SYNDIG1L: variants seen among roughly 807,000 people sequenced by gnomAD.
The protein encoded by SYNDIG1L is synapse differentiation-inducing gene protein 1-like.
In SYNDIG1L, 13 loss-of-function variants were observed where a neutral mutation model predicts 20.1. That is an observed-to-expected ratio of 0.65 (90% CI 0.42 to 1.03). The LOEUF is 1.03. SYNDIG1L is among the 50% of genes least tolerant of loss of function. The probability of loss-of-function intolerance (pLI) is 0.00; values close to 1 mark genes in which losing one functional copy is unlikely to be tolerated. For synonymous variants in SYNDIG1L, 128 were observed against 129.3 expected (o/e 0.99, Z 0.07); for missense variants, 294 against 305.1 (o/e 0.96, Z 0.27).
chr14:74,452,014 C>A, the SYNDIG1L span, among the ~76,000 whole-genome samples: 7 of 149,096 alleles, frequency 4.7e-5, no homozygotes, highest in Non-Finnish European at 7.4e-5. Flanking sequence ...AAAAAAGAAC[C>A]CCTGTAACTG....
chr14:74,458,098 TG>T, the SYNDIG1L span, among the ~76,000 whole-genome samples: 1 of 152,164 alleles, frequency 6.6e-6, no homozygotes. Flanking sequence ...GCGCCCAGCT[TG>T]GAACAATTTC....
At position 74,422,291 on chromosome 14, in the gene SYNDIG1L, T is replaced by C. The variant is rs565805588; in HGVS notation, c.-58+3621A>G. 2.9e-4 allele frequency among the ~76,000 whole-genome samples: 44 copies of C among 152,170 alleles called. No homozygotes were observed. The South Asian group carries it at 3.3e-3, about 12-fold the overall frequency. ...GGCAGGAGGTAAGAGAAATGAGGAC[T>C]TGACATAAACGGCGGGGGTGAAGAT... On this transcript the variant is annotated intron_variant, in intron 1 of 3. Transcript: ENST00000331628.
intron 1 of SYNDIG1L, among the ~76,000 whole-genome samples, chr14:74,410,537 G>A (rs1186887281): frequency 1.3e-5 from 2 of 152,158 alleles, no homozygotes; most frequent in African/African-American, 4.8e-5. Flanking sequence ...GGACTGCAGA[G>A]GGCTGGACCG....
the SYNDIG1L span, among the ~76,000 whole-genome samples, chr14:74,452,180 C>T: frequency 4.2e-4 from 64 of 152,022 alleles, 1 homozygote; most frequent in Admixed American, 2.7e-3. Flanking sequence ...AATGAGATAC[C>T]ACTATATTGC....
chr14:74,467,445 A>G, the SYNDIG1L span, among the ~76,000 whole-genome samples: 3 of 152,166 alleles, frequency 2.0e-5, no homozygotes, highest in Non-Finnish European at 4.4e-5. Context: ...CAGCCCCAGG[A>G]GAGGGGGCAG....
At position 74,409,490 on chromosome 14, in the gene SYNDIG1L, G is replaced by A; in HGVS notation, c.255C>T (p.Gly85=). Residue 85 remains glycine, a synonymous_variant, in exon 2 of 4, where the codon GGC becomes GGT. Coordinates refer to ENST00000331628, the MANE Select transcript of SYNDIG1L (RefSeq NM_001105579.2). ...CCTCTGTGAAGCTTGTCTCACAGCT[G>A]CCTGCCCTGGGCTCCTTGACCTTGT... ...GRDKVKEPRA[G]SCETSFTEDR... is the part of the protein sequence containing the mutation. 6.2e-7 allele frequency: 1 copy of A among 1,612,692 alleles called. No individual in the cohort carries two copies. The highest frequency in any genetic ancestry group is 8.5e-7 in the Non-Finnish European group (1 of 1,179,426).
the SYNDIG1L span, among the ~76,000 whole-genome samples, chr14:74,431,277 C>T: frequency 6.6e-6 from 1 of 152,076 alleles, no homozygotes; most frequent in Non-Finnish European, 1.5e-5. Context: ...GTGTTTGCCC[C>T]AAGAATGGCT....
the SYNDIG1L span, among the ~76,000 whole-genome samples, chr14:74,448,933 G>C: frequency 2.0e-5 from 3 of 151,948 alleles, no homozygotes; most frequent in Admixed American, 6.6e-5. Flanking sequence ...AAAGAGAAAA[G>C]AAATAGGAAA....
At chr14:74,468,393 A>C in the SYNDIG1L span, among the ~76,000 whole-genome samples, 1 of 151,242 alleles carries the variant, frequency 6.6e-6, no homozygotes, top group African/African-American at 2.4e-5. Flanking sequence ...GCTCTTATGG[A>C]TTTGCATCTG....
chr14:74,479,397 T>A, the SYNDIG1L span: 1 of 152,236 alleles, frequency 6.6e-6, no homozygotes, highest in African/African-American at 2.4e-5. Flanking sequence ...AACTCAATTG[T>A]GAATGGGGTT....
In SYNDIG1L at chr14:74,415,959, T is replaced by A. The variant is rs534595292; in HGVS notation, c.-57-6158A>T. Among the ~76,000 whole-genome samples, 10 of 152,180 alleles carry A rather than the reference T, an allele frequency of 6.6e-5. No individual in the cohort carries two copies. In the East Asian group the frequency reaches 1.9e-3, roughly 29 times the overall value. On this transcript the variant is annotated intron_variant, in intron 1 of 3. Transcript: ENST00000331628. ...ACAATGAATGTAAATGGAATAAAAT[T>A]GCCCAAAAAAAGACAAAGATAGTCA... is the stretch of plus-strand genomic sequence containing the variant.
chr14:74,429,633 T>C (rs2086289584), upstream of SYNDIG1L, among the ~76,000 whole-genome samples: 1 of 152,236 alleles, frequency 6.6e-6, no homozygotes, highest in Non-Finnish European at 1.5e-5. Flanking sequence ...GCCATATGGC[T>C]GTGACCCACA....
the SYNDIG1L span, among the ~76,000 whole-genome samples, chr14:74,433,961 C>G: frequency 1.3e-5 from 2 of 151,904 alleles, no homozygotes; most frequent in Admixed American, 6.6e-5. Flanking sequence ...AATGGGTACA[C>G]AAATTTAAAT....
At chr14:74,422,093 C>T (rs540559605) in intron 1 of SYNDIG1L, among the ~76,000 whole-genome samples, 1 of 152,178 alleles carries the variant, frequency 6.6e-6, no homozygotes, top group Non-Finnish European at 1.5e-5. Context: ...AACAACCTGT[C>T]TCTCCGCTGA....
At chr14:74,469,214 T>A in the SYNDIG1L span, among the ~76,000 whole-genome samples, 3 of 152,114 alleles carry the variant, frequency 2.0e-5, no homozygotes, top group East Asian at 1.9e-4. Context: ...AGCCTTTTCA[T>A]GTCCTTTGTA....
At chr14:74,412,156 T>C (rs1364294712) in intron 1 of SYNDIG1L, among the ~76,000 whole-genome samples, 1 of 152,154 alleles carries the variant, frequency 6.6e-6, no homozygotes, top group African/African-American at 2.4e-5. Flanking sequence ...CCTTGGATTA[T>C]AGTGATGTGG....
At chr14:74,477,799 A>C in the SYNDIG1L span, among the ~76,000 whole-genome samples, 2 of 152,180 alleles carry the variant, frequency 1.3e-5, no homozygotes, top group African/African-American at 4.8e-5. Context: ...AGCCTCCAAA[A>C]CCTGCTCCGT....
chr14:74,461,269 T>C, the SYNDIG1L span, among the ~76,000 whole-genome samples: 1 of 152,130 alleles, frequency 6.6e-6, no homozygotes, highest in Admixed American at 6.5e-5. Context: ...TTTCTCTTTC[T>C]CTGCCCAGAA....
chr14:74,431,330 G>A, the SYNDIG1L span, among the ~76,000 whole-genome samples: 1 of 152,130 alleles, frequency 6.6e-6, no homozygotes, highest in Non-Finnish European at 1.5e-5. Flanking sequence ...TGTGTAAAGG[G>A]AAGAACTTTC....
Sources: gnomAD v4.1 joint callset for allele counts (sites outside exome capture counted in the v4.1 genomes callset) on GRCh38, gnomAD v4.1.1 for gene constraint, MANE v1.5 for transcripts, NCBI Gene and HGNC (gene_info 2026-07-23, HGNC 2026-07-21) for gene names.